Variants in RPSA2 observed in about 807,000 individuals in gnomAD.
RPSA2 encodes the protein ribosomal protein SA 2, also known as small ribosomal subunit protein uS2B.
At chr19:23,778,726 G>A in the RPSA2 span, among the ~76,000 whole-genome samples, 86 of 152,060 alleles carry the variant, frequency 5.7e-4, 1 homozygote, top group South Asian at 0.017. Flanking sequence ...CCATCACCTG[G>A]ATGATGTGAC....
the RPSA2 span, among the ~76,000 whole-genome samples, chr19:23,795,380 G>T: frequency 1.3e-5 from 2 of 151,892 alleles, no homozygotes; most frequent in African/African-American, 4.8e-5. Context: ...TTATCATAGA[G>T]ATCTTTCACC....
chr19:23,779,000 T>TTTG, the RPSA2 span, among the ~76,000 whole-genome samples: 3 of 132,606 alleles, frequency 2.3e-5, no homozygotes, highest in Non-Finnish European at 1.6e-5. Flanking sequence ...TGACACTTTT[T>TTTG]TTTTTTTTTT....
the RPSA2 span, among the ~76,000 whole-genome samples, chr19:23,825,790 T>C: frequency 1.3e-5 from 2 of 152,232 alleles, no homozygotes; most frequent in Middle Eastern, 3.4e-3. Flanking sequence ...GGTTTCTCCA[T>C]GTTGGTCAGG....
the RPSA2 span, among the ~76,000 whole-genome samples, chr19:23,824,708 CT>C: frequency 8.7e-5 from 13 of 149,744 alleles, no homozygotes; most frequent in East Asian, 2.0e-4. Flanking sequence ...CACCATGTAC[CT>C]TTTTTTGTAG....
the RPSA2 span, among the ~76,000 whole-genome samples, chr19:23,842,859 C>A: frequency 6.6e-6 from 1 of 152,096 alleles, no homozygotes; most frequent in Non-Finnish European, 1.5e-5. Context: ...GGAACCATCC[C>A]CTTTTTTTTG....
the RPSA2 span, chr19:23,832,800 CTACAA>C: frequency 6.3e-7 from 1 of 1,578,496 alleles, no homozygotes; most frequent in Non-Finnish European, 8.6e-7. Context: ...GAGAGAAACC[CTACAA>C]ATGTGAAGAA....
chr19:23,765,829 ATGTG>A, the RPSA2 span, among the ~76,000 whole-genome samples: 1 of 152,210 alleles, frequency 6.6e-6, no homozygotes, highest in Non-Finnish European at 1.5e-5. Flanking sequence ...TTTTGATTTT[ATGTG>A]TGTATGACAC....
At chr19:23,785,174 CAT>C in the RPSA2 span, among the ~76,000 whole-genome samples, 1 of 152,222 alleles carries the variant, frequency 6.6e-6, no homozygotes, top group African/African-American at 2.4e-5. Context: ...GGCATTGTGA[CAT>C]ATGGCTGGGC....
the RPSA2 span, among the ~76,000 whole-genome samples, chr19:23,789,867 A>G: frequency 0.98 from 148,823 of 152,146 alleles, 72,876 homozygotes; most frequent in Middle Eastern, 1. Context: ...TAGTACAGAT[A>G]GGGTTTCACT....
chr19:23,830,058 T>TTC, the RPSA2 span, among the ~76,000 whole-genome samples: 2 of 151,802 alleles, frequency 1.3e-5, no homozygotes, highest in Non-Finnish European at 2.9e-5. Context: ...AAGGTTTTTT[T>TTC]TTTTTATTTG....
chr19:23,789,296 C>T, the RPSA2 span, among the ~76,000 whole-genome samples: 2 of 152,080 alleles, frequency 1.3e-5, no homozygotes, highest in Non-Finnish European at 2.9e-5. Context: ...CCACTGCATC[C>T]AGTCTGCCTG....
the RPSA2 span, among the ~76,000 whole-genome samples, chr19:23,857,174 C>T: frequency 5.3e-5 from 8 of 152,194 alleles, no homozygotes; most frequent in East Asian, 1.2e-3. Context: ...AAGAATTTAG[C>T]GATATCTGCA....
At chr19:23,825,841 A>G in the RPSA2 span, among the ~76,000 whole-genome samples, 1 of 152,120 alleles carries the variant, frequency 6.6e-6, no homozygotes, top group Admixed American at 6.5e-5. Context: ...TGCCCGCCTC[A>G]GCTTCCCAAT....
chr19:23,821,167 T>C, the RPSA2 span, among the ~76,000 whole-genome samples: 1 of 152,240 alleles, frequency 6.6e-6, no homozygotes, highest in Non-Finnish European at 1.5e-5. Context: ...ATTAATGTTA[T>C]AACTCAGTGC....
the RPSA2 span, among the ~76,000 whole-genome samples, chr19:23,836,131 C>CT: frequency 2.0e-5 from 3 of 152,054 alleles, no homozygotes; most frequent in African/African-American, 7.2e-5. Context: ...TATATGTTGT[C>CT]TTTTATTCCT....
the RPSA2 span, among the ~76,000 whole-genome samples, chr19:23,833,950 A>G: frequency 6.6e-6 from 1 of 152,126 alleles, no homozygotes; most frequent in Non-Finnish European, 1.5e-5. Flanking sequence ...AATATAATAA[A>G]TTTGGAAAAA....
the RPSA2 span, chr19:23,790,719 G>A: frequency 1.1e-4 from 50 of 442,530 alleles, 1 homozygote; most frequent in African/African-American, 8.9e-4. Flanking sequence ...CCTGTGACCT[G>A]CAGGTACTGG....
chr19:23,863,306 G>A, the RPSA2 span, among the ~76,000 whole-genome samples: 1 of 152,158 alleles, frequency 6.6e-6, no homozygotes, highest in African/African-American at 2.4e-5. Context: ...GCACCCACCT[G>A]TAATCTCAGC....
At chr19:23,830,101 C>G in the RPSA2 span, among the ~76,000 whole-genome samples, 9 of 150,840 alleles carry the variant, frequency 6.0e-5, no homozygotes, top group South Asian at 1.9e-3. Flanking sequence ...ATAATTCTCA[C>G]TTAATAGGTA....
Sources: gnomAD v4.1 joint callset for allele counts (sites outside exome capture counted in the v4.1 genomes callset) on GRCh38, gnomAD v4.1.1 for gene constraint, MANE v1.5 for transcripts, NCBI Gene and HGNC (gene_info 2026-07-23, HGNC 2026-07-21) for gene names.